PAH: variants seen among roughly 807,000 people sequenced by gnomAD.
PAH encodes phenylalanine hydroxylase, also known as phenylalanine-4-hydroxylase.
In PAH, 64 loss-of-function variants were observed where a neutral mutation model predicts 62.0. That is an observed-to-expected ratio of 1.03 (90% CI 0.84 to 1.27). The LOEUF (loss-of-function observed/expected upper bound fraction) is 1.27. Among genes scored for constraint, PAH ranks in the 50% most tolerant of loss-of-function variants. The pLI, the probability that PAH is intolerant of heterozygous loss-of-function variation, is 0.00. For synonymous variants in PAH, 195 were observed against 196.2 expected (o/e 0.99, Z 0.05); for missense variants, 579 against 542.8 (o/e 1.07, Z -0.66).
rs1314243594 is a variant in PAH at position 102,956,739 on chromosome 12, G to A, written c.-96+1456C>T. Among the ~76,000 whole-genome samples, 4 of 152,062 alleles carry A rather than the reference G, an allele frequency of 2.6e-5. No homozygotes were observed. The East Asian group carries it at 5.8e-4, about 22-fold the overall frequency. Reference sequence around the variant, plus strand: ...TATGGGGAGGGGGTGGCGGTAGGGGGCGATGGTACAGGGGGCCAGAGGTCA... The same window carrying A: ...TATGGGGAGGGGGTGGCGGTAGGGGACGATGGTACAGGGGGCCAGAGGTCA... On this transcript the variant is annotated intron_variant, in intron 1 of 4. Transcript: ENST00000551337.
Position 102,863,225 on chromosome 12 carries a change from A to G in PAH, c.509+3371T>C, listed in dbSNP as rs550934005. ...CTAGTATTAGTACTGACAAATCCTA[A>G]CAATTGGATAATTGATCATTACCAT... On this transcript the variant is annotated intron_variant, in intron 5 of 12. Coordinates refer to ENST00000553106, the MANE Select transcript of PAH (RefSeq NM_000277.3). Among the ~76,000 whole-genome samples, 10 of 152,306 alleles carry G rather than the reference A, an allele frequency of 6.6e-5. 1 individual carries two copies. The South Asian group carries it at 2.1e-3, about 32-fold the overall frequency.
At chr12:102,872,193 G>A (rs936430270) in intron 4 of PAH, among the ~76,000 whole-genome samples, 2 of 152,058 alleles carry the variant, frequency 1.3e-5, no homozygotes, top group African/African-American at 4.8e-5. Flanking sequence ...TTTCTGCCTA[G>A]TAGAAAGGTT....
chr12:102,958,349 C>CGCAGCCGCG (rs1350304411), exon 1 of PAH: 2 of 1,434,040 alleles, frequency 1.4e-6, no homozygotes, highest in Non-Finnish European at 1.8e-6. Context: ...TTGCCACGGC[C>CGCAGCCGCG]GCAGCCGCGG....
chr12:102,881,480 A>T (rs1712923938), intron 3 of PAH, among the ~76,000 whole-genome samples: 2 of 152,178 alleles, frequency 1.3e-5, no homozygotes, highest in Non-Finnish European at 1.5e-5. Context: ...GGACAAGGAC[A>T]CTTGAGATCT....
At chr12:102,842,193 G>C (rs751018479) in intron 11 of PAH, among the ~76,000 whole-genome samples, 3 of 152,188 alleles carry the variant, frequency 2.0e-5, no homozygotes, top group Non-Finnish European at 4.4e-5. Context: ...ATCTTGGCAT[G>C]ACAGGGTGCT....
intron 4 of PAH, among the ~76,000 whole-genome samples, chr12:102,871,949 A>AAAT (rs1876359198): frequency 2.3e-4 from 7 of 30,336 alleles, no homozygotes; most frequent in African/African-American, 9.5e-4. Flanking sequence ...AAAAAAAAAA[A>AAAT]ATATATATAT....
At chr12:102,879,615 G>T (rs931824733) in intron 3 of PAH, among the ~76,000 whole-genome samples, 4 of 147,870 alleles carry the variant, frequency 2.7e-5, no homozygotes, top group African/African-American at 5.0e-5. Flanking sequence ...TGGGGGGGGG[G>T]TACTATTAAT....
chr12:102,906,483 AAT>A (rs1167321164), intron 2 of PAH, among the ~76,000 whole-genome samples: 16 of 152,188 alleles, frequency 1.1e-4, no homozygotes, highest in Admixed American at 1.0e-3. Context: ...TGATAAATAA[AAT>A]ATGATACACA....
At chr12:102,903,080 G>A (rs1347067720) in intron 2 of PAH, among the ~76,000 whole-genome samples, 1 of 152,206 alleles carries the variant, frequency 6.6e-6, no homozygotes, top group Non-Finnish European at 1.5e-5. Flanking sequence ...GACCCTGTGG[G>A]CTGGGCACGG....
chr12:102,906,530 A>C lies in PAH; in HGVS notation c.168+6261T>G, dbSNP rs1007058563. ...AACTATACTTCAGAGGTTAAAAGTTATGAACCTGATCTATATGTATCAGCA... is the reference window on the plus strand; with the variant it reads ...AACTATACTTCAGAGGTTAAAAGTTCTGAACCTGATCTATATGTATCAGCA... On this transcript the variant is annotated intron_variant, in intron 2 of 12. Transcript: ENST00000553106. Among the ~76,000 whole-genome samples the C allele has an allele frequency of 2.6e-5, 4 of 152,354 alleles. No homozygotes were observed. The South Asian group carries it at 6.2e-4, about 24-fold the overall frequency.
At chr12:102,891,872 T>C (rs1877289865) in intron 3 of PAH, among the ~76,000 whole-genome samples, 2 of 152,170 alleles carry the variant, frequency 1.3e-5, no homozygotes, top group African/African-American at 4.8e-5. Flanking sequence ...TCCTTCCTCA[T>C]GGCCCCAGCT....
intron 1 of PAH, among the ~76,000 whole-genome samples, chr12:102,939,533 C>T (rs1879219576): frequency 6.6e-6 from 1 of 152,098 alleles, no homozygotes; most frequent in African/African-American, 2.4e-5. Context: ...TGGTACCTGC[C>T]CTTGCTGCTC....
intron 1 of PAH, among the ~76,000 whole-genome samples, chr12:102,956,820 T>C (rs1198071441): frequency 6.6e-6 from 1 of 151,884 alleles, no homozygotes; most frequent in Non-Finnish European, 1.5e-5. Flanking sequence ...TCACAACCAC[T>C]CCTCGGTGTC....
At chr12:102,873,482 A>G (rs1731646930) in intron 4 of PAH, among the ~76,000 whole-genome samples, 1 of 152,126 alleles carries the variant, frequency 6.6e-6, no homozygotes, top group South Asian at 2.1e-4. Flanking sequence ...GTGAACTTTT[A>G]TTGGGTTGGC....
intron 5 of PAH, among the ~76,000 whole-genome samples, chr12:102,861,967 A>T (rs894066832): frequency 1.5e-4 from 3 of 20,066 alleles, no homozygotes; most frequent in Admixed American, 7.4e-4. Context: ...CTTAAAGTAT[A>T]AAAAAAAAAA....
chr12:102,897,463 GTGTATATATATATATA>G (rs1877554330), intron 2 of PAH, among the ~76,000 whole-genome samples: 1 of 105,576 alleles, frequency 9.5e-6, no homozygotes, highest in South Asian at 2.8e-4. Flanking sequence ...GTGTGTGTGT[GTGTATATATATATATA>G]TATATATATA....
chr12:102,863,896 C>T (rs1432038246), intron 5 of PAH, among the ~76,000 whole-genome samples: 2 of 152,246 alleles, frequency 1.3e-5, no homozygotes, highest in African/African-American at 4.8e-5. Flanking sequence ...AACTTCCACT[C>T]CAGTAATATC....
chr12:102,869,942 CCT>C (rs1406406043), intron 4 of PAH, among the ~76,000 whole-genome samples: 1 of 152,170 alleles, frequency 6.6e-6, no homozygotes, highest in Non-Finnish European at 1.5e-5. Flanking sequence ...TTATAATCAC[CCT>C]GTCTCAATTA....
intron 4 of PAH, among the ~76,000 whole-genome samples, chr12:102,870,073 C>T (rs1006780086): frequency 6.6e-6 from 1 of 151,892 alleles, no homozygotes. Flanking sequence ...GGGAGAAAGT[C>T]GAGAGAGTTC....
Sources: allele counts gnomAD v4.1 joint callset (sites outside exome capture counted in the v4.1 genomes callset), GRCh38; gene constraint gnomAD v4.1.1; transcripts MANE v1.5; gene names NCBI Gene and HGNC (gene_info 2026-07-23, HGNC 2026-07-21).